The following ERBB4 variants were observed in gnomAD, a reference collection of about 807,000 sequenced individuals.
ERBB4 encodes the protein receptor tyrosine-protein kinase erbB-4.
A neutral mutation model predicts 158.0 loss-of-function variants in ERBB4; 42 were observed. The observed-to-expected ratio is 0.27, with a 90% CI of 0.21 to 0.34. The LOEUF is 0.34. ERBB4 is among the 10% of genes least tolerant of loss of function. The pLI is 1.00. For missense variants in ERBB4, 1,333 were observed against 1,624.1 expected (o/e 0.82, Z 3.08); for synonymous variants, 583 against 558.7 (o/e 1.04, Z -0.61).
Position 212,099,599 on chromosome 2 carries a change from C to T in ERBB4, c.234+25153G>A, listed in dbSNP as rs748881645. Among the ~76,000 whole-genome samples, 20 of 152,258 alleles carry T rather than the reference C, an allele frequency of 1.3e-4. No individual in the cohort carries two copies. The South Asian group carries it at 1.9e-3, about 14-fold the overall frequency. On this transcript the variant is annotated intron_variant, in intron 2 of 27. Coordinates refer to ENST00000342788, the MANE Select transcript of ERBB4 (RefSeq NM_005235.3). ...CCATAGATATGAAATGATGACTTCT[C>T]CCGGGGCATACAAACATATTGGTCT...
intron 2 of ERBB4, among the ~76,000 whole-genome samples, chr2:212,111,226 TTTA>T (rs1234217370): frequency 6.6e-6 from 1 of 152,198 alleles, no homozygotes; most frequent in Non-Finnish European, 1.5e-5. Context: ...TTGTTAAGTC[TTTA>T]TTAAGTCTTT....
At chr2:212,337,602 A>G (rs1224102724) in intron 1 of ERBB4, among the ~76,000 whole-genome samples, 2 of 152,074 alleles carry the variant, frequency 1.3e-5, no homozygotes, top group African/African-American at 4.8e-5. Flanking sequence ...ACCCCAGAGG[A>G]GTCACATTCT....
chr2:211,709,684 C>G (rs924424020), intron 9 of ERBB4, among the ~76,000 whole-genome samples: 1 of 152,162 alleles, frequency 6.6e-6, no homozygotes, highest in South Asian at 2.1e-4. Context: ...TTTTATACAA[C>G]CTTAAAATGT....
chr2:212,135,765 A>G (rs2080252238), intron 1 of ERBB4, among the ~76,000 whole-genome samples: 1 of 151,994 alleles, frequency 6.6e-6, no homozygotes, highest in South Asian at 2.1e-4. Context: ...GTAGTATTTC[A>G]TTTCCTGTGA....
chr2:211,387,425 C>T (rs2062709109), intron 26 of ERBB4, among the ~76,000 whole-genome samples: 1 of 152,200 alleles, frequency 6.6e-6, no homozygotes, highest in East Asian at 1.9e-4. Context: ...GTATTTGATG[C>T]CCTTTTCCCA....
intron 1 of ERBB4, among the ~76,000 whole-genome samples, chr2:212,216,134 T>C (rs977813036): frequency 6.6e-6 from 1 of 151,424 alleles, no homozygotes; most frequent in Non-Finnish European, 1.5e-5. Flanking sequence ...TTGTATCATA[T>C]ATGGATCTTC....
chr2:211,992,567 GAAAAA>G (rs780595071), intron 2 of ERBB4, among the ~76,000 whole-genome samples: 2 of 125,242 alleles, frequency 1.6e-5, no homozygotes, highest in African/African-American at 5.7e-5. Context: ...GAGAGAGAGA[GAAAAA>G]AAAAAAAAAC....
At chr2:212,008,412 C>T (rs985897837) in intron 2 of ERBB4, among the ~76,000 whole-genome samples, 8 of 152,014 alleles carry the variant, frequency 5.3e-5, no homozygotes, top group African/African-American at 9.7e-5. Flanking sequence ...ATTATCATTA[C>T]GTTGGACACC....
chr2:212,434,288 T>C (rs2092090638), intron 1 of ERBB4, among the ~76,000 whole-genome samples: 2 of 151,954 alleles, frequency 1.3e-5, no homozygotes, highest in Non-Finnish European at 2.9e-5. Context: ...GACTGGACAC[T>C]GTTTGAATTA....
At chr2:211,765,536 GACTT>G (rs2075530676) in intron 4 of ERBB4, among the ~76,000 whole-genome samples, 1 of 152,042 alleles carries the variant, frequency 6.6e-6, no homozygotes, top group African/African-American at 2.4e-5. Flanking sequence ...TAACAGAAAT[GACTT>G]ACTATTTCAT....
At chr2:212,352,488 T>C (rs1484149129) in intron 1 of ERBB4, among the ~76,000 whole-genome samples, 3 of 152,150 alleles carry the variant, frequency 2.0e-5, no homozygotes, top group Non-Finnish European at 2.9e-5. Flanking sequence ...ATTTCAAGTT[T>C]AAAAAATCTT....
intron 1 of ERBB4, among the ~76,000 whole-genome samples, chr2:212,139,216 A>G (rs1344611573): frequency 3.9e-5 from 6 of 152,094 alleles, no homozygotes; most frequent in African/African-American, 1.4e-4. Context: ...CCAAGGTGAC[A>G]TTTAGCAAAT....
chr2:211,606,236 A>C (rs1003353436), intron 19 of ERBB4, among the ~76,000 whole-genome samples: 1 of 152,096 alleles, frequency 6.6e-6, no homozygotes, highest in Admixed American at 6.5e-5. Flanking sequence ...CTGCTAGCGG[A>C]ATTATATCTG....
chr2:212,111,630 T>C (rs955726986), intron 2 of ERBB4, among the ~76,000 whole-genome samples: 1 of 109,370 alleles, frequency 9.1e-6, no homozygotes, highest in Admixed American at 8.6e-5. Context: ...TTTTTCTCTA[T>C]TCTTTTTTTT....
intron 2 of ERBB4, among the ~76,000 whole-genome samples, chr2:212,109,121 A>G (rs1012537235): frequency 1.3e-5 from 2 of 152,146 alleles, no homozygotes; most frequent in African/African-American, 4.8e-5. Context: ...AGGGGAAGAA[A>G]ATGAACAAAC....
At chr2:212,369,152 T>C (rs1574784515) in intron 1 of ERBB4, among the ~76,000 whole-genome samples, 1 of 152,184 alleles carries the variant, frequency 6.6e-6, no homozygotes, top group African/African-American at 2.4e-5. Context: ...TCTTGAATTA[T>C]TTGCCAAAAT....
In ERBB4 at chr2:211,516,021, T is replaced by C. The variant is rs190167797; in HGVS notation, c.2487+45882A>G. ...GCTCTGCCTCCCAGGTTCACGCCAT[T>C]CTCCTGCCTCAGCCTCCTGAGTAGC... On this transcript the variant is annotated intron_variant, in intron 20 of 27. Transcript: ENST00000342788. 5.7e-3 allele frequency among the ~76,000 whole-genome samples: 853 copies of C among 148,648 alleles called. 6 individuals carry two copies. The highest frequency in any genetic ancestry group is 0.02 in the African/African-American group (818 of 40,204).
Position 212,280,601 on chromosome 2 carries a change from G to A in ERBB4, c.83-155698C>T, listed in dbSNP as rs149787544. Among the ~76,000 whole-genome samples, 143 of 151,616 alleles carry A rather than the reference G, an allele frequency of 9.4e-4. 1 individual carries two copies. Among genetic ancestry groups the A allele is most frequent in the African/African-American group, 3.2e-3 (132 of 41,452 alleles). Reference sequence around the variant, plus strand: ...AACATGCCTCAAATGTCTTCTCTGCGTTTCTGTTGCTGTTGTTGTTGTTTT... The same window carrying A: ...AACATGCCTCAAATGTCTTCTCTGCATTTCTGTTGCTGTTGTTGTTGTTTT... On this transcript the variant is annotated intron_variant, in intron 1 of 27. Coordinates refer to ENST00000342788, the MANE Select transcript of ERBB4 (RefSeq NM_005235.3).
At chr2:212,124,258 G>T (rs2079849602) in intron 2 of ERBB4, among the ~76,000 whole-genome samples, 2 of 151,998 alleles carry the variant, frequency 1.3e-5, no homozygotes, top group Non-Finnish European at 2.9e-5. Context: ...TTTCCTATGA[G>T]TCTACTTTAA....
Sources: allele counts gnomAD v4.1 joint callset (sites outside exome capture counted in the v4.1 genomes callset), GRCh38; gene constraint gnomAD v4.1.1; transcripts MANE v1.5; gene names NCBI Gene and HGNC (gene_info 2026-07-23, HGNC 2026-07-21).